Variants in KLF12 observed in about 807,000 individuals in gnomAD.
The protein encoded by KLF12 is KLF transcription factor 12.
Under a neutral mutation model 37.8 loss-of-function variants are expected in KLF12, and 9 were observed. That is an observed-to-expected ratio of 0.24 (90% CI 0.14 to 0.42). The LOEUF (loss-of-function observed/expected upper bound fraction) is 0.42, where lower values mean the gene tolerates loss of function less well. Among genes scored for constraint, KLF12 ranks in the 10% least tolerant of loss-of-function variants. KLF12 has a pLI of 1.00. For missense variants in KLF12, 411 were observed against 516.0 expected (o/e 0.80, Z 1.97); for synonymous variants, 208 against 202.1 (o/e 1.03, Z -0.25).
intron 4 of KLF12, among the ~76,000 whole-genome samples, chr13:73,814,038 C>G (rs1883084633): frequency 6.6e-6 from 1 of 152,210 alleles, no homozygotes; most frequent in Non-Finnish European, 1.5e-5. Context: ...GGGTTACTTA[C>G]TGTCAACATA....
At chr13:74,186,504 G>A in the KLF12 span, among the ~76,000 whole-genome samples, 1 of 152,142 alleles carries the variant, frequency 6.6e-6, no homozygotes, top group East Asian at 1.9e-4. Flanking sequence ...AATTCTCAAA[G>A]GGGTGATGCT....
chr13:74,292,526 G>C, the KLF12 span, among the ~76,000 whole-genome samples: 1 of 149,948 alleles, frequency 6.7e-6, no homozygotes, highest in South Asian at 2.1e-4. Context: ...TACATGACCT[G>C]TCTCCTTACT....
chr13:74,067,714 C>A (rs1008422241), intron 1 of KLF12, among the ~76,000 whole-genome samples: 3 of 152,130 alleles, frequency 2.0e-5, no homozygotes, highest in Non-Finnish European at 4.4e-5. Flanking sequence ...TTAAAAATTA[C>A]ATTTTGCCAT....
intron 3 of KLF12, among the ~76,000 whole-genome samples, chr13:73,896,455 C>G (rs1353809434): frequency 6.6e-6 from 1 of 152,070 alleles, no homozygotes; most frequent in African/African-American, 2.4e-5. Context: ...TGGATGAACC[C>G]TGCTACAGTG....
At chr13:74,245,562 A>G in the KLF12 span, among the ~76,000 whole-genome samples, 1 of 152,216 alleles carries the variant, frequency 6.6e-6, no homozygotes, top group Non-Finnish European at 1.5e-5. Context: ...AGATTTTCTC[A>G]TTTGATAGAT....
chr13:73,812,216 C>T (rs1386689329), intron 5 of KLF12, among the ~76,000 whole-genome samples: 1 of 151,930 alleles, frequency 6.6e-6, no homozygotes, highest in African/African-American at 2.4e-5. Context: ...ATGGTGGCTG[C>T]CAGAGGCTGG....
intron 3 of KLF12, among the ~76,000 whole-genome samples, chr13:73,884,991 T>C (rs539496389): frequency 6.6e-6 from 1 of 152,318 alleles, no homozygotes; most frequent in South Asian, 2.1e-4. Context: ...TAATCTTCTT[T>C]GTTGGCTCTA....
the KLF12 span, among the ~76,000 whole-genome samples, chr13:74,275,192 A>G: frequency 5.8e-3 from 885 of 152,286 alleles, 9 homozygotes; most frequent in African/African-American, 0.02. Flanking sequence ...GCAGACCAGT[A>G]AGGAGGTCAG....
chr13:73,849,754 T>C (rs1357563054), intron 3 of KLF12, among the ~76,000 whole-genome samples: 1 of 152,238 alleles, frequency 6.6e-6, no homozygotes, highest in Admixed American at 6.5e-5. Flanking sequence ...TCCTCAATTC[T>C]TGATTCATTA....
chr13:74,214,352 C>T, the KLF12 span, among the ~76,000 whole-genome samples: 1 of 152,072 alleles, frequency 6.6e-6, no homozygotes, highest in African/African-American at 2.4e-5. Flanking sequence ...TGATCCTGAG[C>T]TTCTCCTCTC....
chr13:73,850,555 T>C (rs1047419530), intron 3 of KLF12, among the ~76,000 whole-genome samples: 1 of 152,200 alleles, frequency 6.6e-6, no homozygotes, highest in Non-Finnish European at 1.5e-5. Context: ...GAAAAATATG[T>C]CCGGATACTA....
chr13:73,805,979 AT>A (rs1347840424), intron 5 of KLF12, among the ~76,000 whole-genome samples: 3,951 of 151,938 alleles, frequency 0.026, 169 homozygotes, highest in African/African-American at 0.09. Flanking sequence ...TAATTTTCAT[AT>A]TTTTGTAGAG....
At chr13:73,766,203 G>T (rs1879904758) in intron 5 of KLF12, among the ~76,000 whole-genome samples, 1 of 152,178 alleles carries the variant, frequency 6.6e-6, no homozygotes, top group Non-Finnish European at 1.5e-5. Context: ...TATGCAGAAA[G>T]ATGGAGAGAG....
the KLF12 span, among the ~76,000 whole-genome samples, chr13:74,165,362 G>A: frequency 1.4e-5 from 2 of 141,498 alleles, no homozygotes; most frequent in Non-Finnish European, 3.0e-5. Context: ...GTGCAGTAGC[G>A]CAATCTTGAC....
At chr13:73,702,689 C>T (rs1340425538) in intron 7 of KLF12, among the ~76,000 whole-genome samples, 1 of 152,140 alleles carries the variant, frequency 6.6e-6, no homozygotes, top group Non-Finnish European at 1.5e-5. Context: ...TACGGGGCCC[C>T]AGACACTGAC....
At chr13:74,020,999 A>G (rs1289380511) in intron 1 of KLF12, among the ~76,000 whole-genome samples, 2 of 152,148 alleles carry the variant, frequency 1.3e-5, no homozygotes, top group African/African-American at 4.8e-5. Context: ...TACCATCAAG[A>G]TCCAGACCCC....
the KLF12 span, among the ~76,000 whole-genome samples, chr13:74,161,383 C>G: frequency 6.6e-6 from 1 of 151,944 alleles, no homozygotes; most frequent in Admixed American, 6.5e-5. Flanking sequence ...AAGCCTGGTG[C>G]CTTTGCAGGG....
At chr13:73,755,318 G>C (rs1287804177) in intron 6 of KLF12, among the ~76,000 whole-genome samples, 1 of 152,062 alleles carries the variant, frequency 6.6e-6, no homozygotes, top group Non-Finnish European at 1.5e-5. Context: ...ATTTATGAGG[G>C]TGTTCCAAAT....
intron 1 of KLF12, among the ~76,000 whole-genome samples, chr13:74,008,765 T>A (rs1892477516): frequency 6.6e-6 from 1 of 152,238 alleles, no homozygotes; most frequent in South Asian, 2.1e-4. Flanking sequence ...AAGACAACTG[T>A]AATGAGCTGG....
Sources: gnomAD v4.1 joint callset for allele counts (sites outside exome capture counted in the v4.1 genomes callset) on GRCh38, gnomAD v4.1.1 for gene constraint, MANE v1.5 for transcripts, NCBI Gene and HGNC (gene_info 2026-07-23, HGNC 2026-07-21) for gene names.